Variants in MRPL37 observed in about 807,000 individuals in gnomAD.
The protein encoded by MRPL37 is large ribosomal subunit protein mL37.
In MRPL37, 34 loss-of-function variants were observed where a neutral mutation model predicts 44.1. The observed-to-expected ratio is 0.77, with a 90% CI of 0.59 to 1.03. MRPL37 has a LOEUF of 1.03. MRPL37 is among the 50% of genes least tolerant of loss of function. The pLI, the probability that MRPL37 is intolerant of heterozygous loss-of-function variation, is 0.00. For missense variants in MRPL37, 532 were observed against 543.7 expected, an observed-to-expected ratio of 0.98 and a Z score of 0.21; for synonymous variants, 212 against 219.5, an observed-to-expected ratio of 0.97 and a Z score of 0.30.
intron 1 of MRPL37, among the ~76,000 whole-genome samples, chr1:54,201,116 G>C (rs561310450): frequency 1.3e-5 from 2 of 152,294 alleles, no homozygotes; most frequent in South Asian, 4.1e-4. Flanking sequence ...TGTCTATCTA[G>C]AACAGTACCA....
intron 1 of MRPL37, 140 bp from the exon 2 acceptor site, chr1:54,204,878 T>C (rs1644109503): frequency 1.0e-6 from 1 of 955,168 alleles, no homozygotes; most frequent in Non-Finnish European, 1.5e-6. Context: ...CTTTTGGTTC[T>C]ATCCCCTCAG....
intron 3 of MRPL37, chr1:54,207,477 T>C (rs1644132612): frequency 6.6e-6 from 1 of 152,228 alleles, no homozygotes; most frequent in Admixed American, 6.5e-5. Flanking sequence ...GTGTATAGAC[T>C]TCCTGGCAAT....
In MRPL37 at chr1:54,205,174, A is replaced by C; in HGVS notation, c.503A>C (p.Glu168Ala). The C allele has an allele frequency of 6.2e-7, 1 of 1,614,114 alleles. No individual in the cohort carries two copies. Among genetic ancestry groups the C allele is most frequent in the East Asian group, 2.2e-5 (1 of 44,878 alleles). The change falls in exon 2 of 7, where the codon GAG becomes GCG. Residue 168 changes from glutamate (E) to alanine (A), a missense_variant. Physicochemically the swap from Glu to Ala is moderately radical, Grantham distance 107 (BLOSUM62 -1). Coordinates refer to ENST00000360840, the MANE Select transcript of MRPL37 (RefSeq NM_016491.4). Reference sequence around the variant, plus strand: ...CACGCCCGTCTCTGGCAGACCACTGAGGAAATCCCCAAGAGAGAGACCTAC... The same window carrying C: ...CACGCCCGTCTCTGGCAGACCACTGCGGAAATCCCCAAGAGAGAGACCTAC... ...ISHARLWQTT[E>A]EIPKRETYCP...
chr1:54,205,053 T>A lies in MRPL37; in HGVS notation c.382T>A (p.Leu128Ile). 1 of 1,614,122 alleles carries A rather than the reference T, an allele frequency of 6.2e-7. No homozygotes were observed. Among genetic ancestry groups the A allele is most frequent in the Non-Finnish European group, 8.5e-7 (1 of 1,180,022 alleles). The change falls in exon 2 of 7, where the codon TTA (leucine) becomes ATA (isoleucine). Residue 128 changes from leucine (L) to isoleucine (I), a missense_variant. Transcript: ENST00000360840. ...GGCCCTCTGGCTCACCAAGACCAAGTTAATAGAAGGCCTTCCCGAGAAAGT... is the reference window on the plus strand; with the variant it reads ...GGCCCTCTGGCTCACCAAGACCAAGATAATAGAAGGCCTTCCCGAGAAAGT... The part of the protein sequence containing the change: ...KQALWLTKTK[L>I]IEGLPEKVLS...
intron 5 of MRPL37, among the ~76,000 whole-genome samples, chr1:54,215,794 G>A (rs941779646): frequency 6.6e-6 from 1 of 152,198 alleles, no homozygotes. Flanking sequence ...TCCTTATCAA[G>A]TAACGCCAGG....
chr1:54,216,843 C>T (rs146497215), intron 6 of MRPL37, among the ~76,000 whole-genome samples: 12 of 152,308 alleles, frequency 7.9e-5, no homozygotes, highest in Non-Finnish European at 1.5e-4. Context: ...CATTGCTGTG[C>T]GTAGAACCTC....
downstream of MRPL37, chr1:54,218,465 GC>G: frequency 8.7e-7 from 1 of 1,152,602 alleles, no homozygotes; most frequent in Non-Finnish European, 1.2e-6. Context: ...CCCAGCTGAA[GC>G]CCAGCTCTGC....
chr1:54,202,566 C>T (rs1644092713), intron 1 of MRPL37, among the ~76,000 whole-genome samples: 1 of 152,000 alleles, frequency 6.6e-6, no homozygotes, highest in Non-Finnish European at 1.5e-5. Context: ...AGTGCAGTGG[C>T]ACAATCTCAC....
rs1644115322 is a variant in MRPL37 at position 54,205,499 on chromosome 1, C to T, written c.646+89C>T. On this transcript the variant is annotated intron_variant, in intron 3 of 6. Coordinates refer to ENST00000360840, the MANE Select transcript of MRPL37 (RefSeq NM_016491.4). Reference sequence around the variant, plus strand: ...ACCACCAGCTCCCATCCCCCTGCCCCCAAATACCGATCCTTACTCCCATCA... The same window carrying T: ...ACCACCAGCTCCCATCCCCCTGCCCTCAAATACCGATCCTTACTCCCATCA... The T allele has an allele frequency of 4.7e-6, 5 of 1,057,558 alleles. No individual in the cohort carries two copies. In the South Asian group the frequency reaches 5.8e-5, roughly 12 times the overall value. The allele number at this position is 1,057,558 out of a possible 1,614,324, so 65.5% of individuals were successfully genotyped here.
rs766875654 is a variant in MRPL37, at chr1:54,209,937, C to T, written c.647-9C>T. On this transcript the variant is annotated splice_polypyrimidine_tract_variant and intron_variant, in intron 3 of 6. Coordinates refer to ENST00000360840, the MANE Select transcript of MRPL37 (RefSeq NM_016491.4). ...ACCAGGTTAGAGTAACCATTTTTCT[C>T]CCTTTTAGAGTCTCTTCTCCTTCAA... 25 of 1,611,748 alleles carry T rather than the reference C, an allele frequency of 1.6e-5. No homozygotes were observed. Among genetic ancestry groups the T allele is most frequent in the African/African-American group, 2.7e-5 (2 of 74,694 alleles).
chr1:54,207,224 A>G (rs1280860773), intron 3 of MRPL37: 1 of 152,126 alleles, frequency 6.6e-6, no homozygotes, highest in Non-Finnish European at 1.5e-5. Context: ...GGTTCTGTCT[A>G]CCCCACTCAA....
At chr1:54,223,225 A>G (rs1437166470), downstream of MRPL37, among the ~76,000 whole-genome samples, 2 of 152,286 alleles carry the variant, frequency 1.3e-5, no homozygotes, top group South Asian at 2.1e-4. Context: ...GGCTGGGCAG[A>G]GCAACGCTCA....
downstream of MRPL37, among the ~76,000 whole-genome samples, chr1:54,219,886 G>A (rs1644221399): frequency 6.6e-6 from 1 of 152,178 alleles, no homozygotes; most frequent in Admixed American, 6.5e-5. Flanking sequence ...TCACCACATA[G>A]GATCTCTTCG....
chr1:54,219,448 C>G (rs936519827), downstream of MRPL37, among the ~76,000 whole-genome samples: 9 of 152,262 alleles, frequency 5.9e-5, no homozygotes, highest in South Asian at 4.1e-4. Context: ...CAGCAAGGCA[C>G]AGAGGACCAT....
At chr1:54,204,357 C>T (rs1393777752) in intron 1 of MRPL37, among the ~76,000 whole-genome samples, 2 of 151,594 alleles carry the variant, frequency 1.3e-5, no homozygotes, top group Non-Finnish European at 1.5e-5. Context: ...GTCATCATGT[C>T]GCCCAGTCAG....
chr1:54,203,515 C>A (rs1480060501), intron 1 of MRPL37, among the ~76,000 whole-genome samples: 5 of 145,248 alleles, frequency 3.4e-5, no homozygotes, highest in African/African-American at 1.3e-4. Context: ...GCTCTGTTGC[C>A]CTAGCTGGAG....
At chr1:54,218,106 A>G in intron 6 of MRPL37, 66 bp from the exon 7 acceptor site, 1 of 1,400,722 alleles carries the variant, frequency 7.1e-7, no homozygotes, top group South Asian at 1.2e-5. Flanking sequence ...ACTTCAATCC[A>G]ATCTTTGTTT....
chr1:54,215,180 A>G (rs1261744098), intron 5 of MRPL37, among the ~76,000 whole-genome samples: 1 of 152,232 alleles, frequency 6.6e-6, no homozygotes, highest in African/African-American at 2.4e-5. Flanking sequence ...AGGTGCCGCT[A>G]TTAGATACAC....
At chr1:54,211,237 C>G (rs1644162421) in intron 4 of MRPL37, among the ~76,000 whole-genome samples, 1 of 152,128 alleles carries the variant, frequency 6.6e-6, no homozygotes, top group Non-Finnish European at 1.5e-5. Context: ...CCTGACTTAC[C>G]TCACATCTTG....
Sources: gnomAD v4.1 joint callset for allele counts (sites outside exome capture counted in the v4.1 genomes callset) on GRCh38, gnomAD v4.1.1 for gene constraint, MANE v1.5 for transcripts, NCBI Gene and HGNC (gene_info 2026-07-23, HGNC 2026-07-21) for gene names.